The following LTBR variants were observed in gnomAD, a reference collection of about 807,000 sequenced individuals.
LTBR encodes lymphotoxin beta receptor.
LTBR carries 15 observed loss-of-function variants against 45.4 expected under a neutral mutation model. That is an observed-to-expected ratio of 0.33 (90% CI 0.22 to 0.51). LTBR has a LOEUF of 0.51. LTBR is among the 20% of genes least tolerant of loss of function. The pLI, the probability that LTBR is intolerant of heterozygous loss-of-function variation, is 0.97. For missense variants in LTBR, 450 were observed against 565.5 expected (o/e 0.80, Z 2.07); for synonymous variants, 228 against 231.0 (o/e 0.99, Z 0.12).
In LTBR at chr12:6,384,202, C is replaced by T. The variant is rs180813649; in HGVS notation, c.-157C>T. The T allele has an allele frequency of 5.1e-4, 678 of 1,316,700 alleles. No homozygotes were observed. The highest frequency in any genetic ancestry group is 6.3e-4 in the Non-Finnish European group (657 of 1,037,930). 81.6% of individuals were successfully genotyped at this position (1,316,700 alleles called of 1,614,324 possible). A position where few individuals can be genotyped will look rare whatever the true frequency, so the allele number is the denominator to read the frequency against. ...GCTCCGCCATGGGAGCCCTGGAGGC[C>T]CGGCCTGGCCGCTCCCGGCCCTGGG... On this transcript the variant is annotated 5_prime_UTR_variant, in exon 1 of 10. Coordinates refer to ENST00000228918, the MANE Select transcript of LTBR (RefSeq NM_002342.3).
In LTBR at chr12:6,388,097, A is replaced by G. The variant is rs1385912374; in HGVS notation, c.668-301A>G. On this transcript the variant is annotated intron_variant, in intron 6 of 9. Coordinates refer to ENST00000228918, the MANE Select transcript of LTBR (RefSeq NM_002342.3). The surrounding 1 kb of genome is among the most constrained non-coding windows in gnomAD (Gnocchi z 4.3). ...CCTAAGCTCCCATCCTGCACACACA[A>G]GCCTGCCCAATCCTGGTCTCTGAGC... 2.0e-5 allele frequency among the ~76,000 whole-genome samples: 3 copies of G among 152,104 alleles called. No individual in the cohort carries two copies.
chr12:6,386,388 C>T lies in LTBR; in HGVS notation c.611C>T (p.Ala204Val), dbSNP rs778122414. 1 of 1,613,970 alleles carries T rather than the reference C, an allele frequency of 6.2e-7. No individual in the cohort carries two copies. Residue 204 changes from alanine (A) to valine (V), a missense_variant, in exon 6 of 10, where the codon GCC (alanine) becomes GTC (valine). This residue lies in a region of LTBR where 367 missense variants were observed against 435.4 expected (regional missense o/e 0.84). Coordinates refer to ENST00000228918, the MANE Select transcript of LTBR (RefSeq NM_002342.3). The surrounding 1 kb of genome is among the most constrained non-coding windows in gnomAD (Gnocchi z 4.1). ...QGLVEAAPGT[A>V]QSDTTCKNPL... ...CTGGTGGAGGCAGCTCCAGGCACTG[C>T]CCAGTCCGACACAACCTGCAAAAAT...
rs746123931 is a variant in LTBR, at chr12:6,388,800, G to T, written c.776G>T (p.Gly259Val). 1 of 1,614,010 alleles carries T rather than the reference G, an allele frequency of 6.2e-7. No individual in the cohort carries two copies. Among genetic ancestry groups the T allele is most frequent in the African/African-American group, 1.3e-5 (1 of 74,920 alleles). The change falls in exon 8 of 10, where the codon GGA becomes GTA. Residue 259 changes from glycine (G) to valine (V), a missense_variant and splice_region_variant. Transcript: ENST00000228918. This position sits in a 1 kb window ranked among gnomAD's most constrained non-coding sequence, Gnocchi z 4.3. ...KSHPSLCRKL[G>V]SLLKRRPQGE... The stretch of plus-strand genomic sequence containing the variant: ...ACACCCATTTCATTCTCCATTGCAG[G>T]ATCGCTGCTCAAGAGGCGTCCGCAG...
chr12:6,385,709 A>G, intron 4 of LTBR: 1 of 383,210 alleles, frequency 2.6e-6, no homozygotes, highest in Non-Finnish European at 4.8e-6. Flanking sequence ...GATCGAGACC[A>G]TCCTGGCTAA....
At chr12:6,384,730 C>G (rs765727810) in intron 2 of LTBR, 46 bp downstream of exon 2, 1 of 1,565,570 alleles carries the variant, frequency 6.4e-7, no homozygotes, top group East Asian at 2.2e-5. Context: ...AAGTGGGTCA[C>G]GGGGGCTCCA....
chr12:6,385,272 C>T lies in LTBR; in HGVS notation c.365C>T (p.Thr122Ile), dbSNP rs952150883. 3.1e-6 allele frequency: 5 copies of T among 1,614,098 alleles called. No individual in the cohort carries two copies. The highest frequency in any genetic ancestry group is 4.2e-6 in the Non-Finnish European group (5 of 1,180,020). The change falls in exon 4 of 10, where the codon ACC becomes ATC. Residue 122 changes from threonine (T) to isoleucine (I), a missense_variant. By Grantham distance (89) the Thr-to-Ile change is moderately conservative (BLOSUM62 -1). Around this residue, in one of 3 missense-constraint regions of LTBR, gnomAD observed 367 missense variants for 435.4 expected, o/e 0.84. Coordinates refer to ENST00000228918, the MANE Select transcript of LTBR (RefSeq NM_002342.3). ...GCCCCCTGCACAAGCAAACGGAAGA[C>T]CCAGTGCCGCTGCCAGCCGGGAATG... is the stretch of plus-strand genomic sequence containing the variant. ...EIAPCTSKRK[T>I]QCRCQPGMFC...
Position 6,386,240 on chromosome 12 carries a change from A to C in LTBR, c.569+78A>C, listed in dbSNP as rs536036145. The C allele has an allele frequency of 2.2e-4, 323 of 1,489,074 alleles. 2 individuals are homozygous for C. The South Asian group carries it at 3.3e-3, about 15-fold the overall frequency. 92.2% of individuals were successfully genotyped at this position (1,489,074 alleles called of 1,614,324 possible). A position where few individuals can be genotyped will look rare whatever the true frequency, so the allele number is the denominator to read the frequency against. On this transcript the variant is annotated intron_variant, in intron 5 of 9. Transcript: ENST00000228918. The surrounding 1 kb of genome is among the most constrained non-coding windows in gnomAD (Gnocchi z 4.1). The stretch of plus-strand genomic sequence containing the variant: ...TAACAACCCCCAGCGCCTATCCTTG[A>C]CACCACGGACTCGACTCACCACTTT...
rs922004457 is a variant in LTBR at position 6,388,114 on chromosome 12, T to C, written c.668-284T>C. 15 of 427,136 alleles carry C rather than the reference T, an allele frequency of 3.5e-5. No individual in the cohort carries two copies. In the Admixed American group the frequency reaches 4.6e-4, roughly 13 times the overall value. The allele number at this position is 427,136 out of a possible 1,614,324, so 26.5% of individuals were successfully genotyped here. A position where few individuals can be genotyped will look rare whatever the true frequency, so the allele number is the denominator to read the frequency against. ...CACACACAAGCCTGCCCAATCCTGG[T>C]CTCTGAGCAGGAGGGCACCCACACC... On this transcript the variant is annotated intron_variant, in intron 6 of 9. Transcript: ENST00000228918. The surrounding 1 kb of genome is among the most constrained non-coding windows in gnomAD (Gnocchi z 4.3).
upstream of LTBR, among the ~76,000 whole-genome samples, chr12:6,379,669 G>A (rs1195788605): frequency 1.3e-5 from 2 of 152,162 alleles, no homozygotes; most frequent in African/African-American, 2.4e-5. Flanking sequence ...GGTGGCTCAC[G>A]CCTGTAATCC....
rs545884302 is a variant in LTBR at position 6,390,626 on chromosome 12, T to C, written c.1031-34T>C. 2.0e-6 allele frequency: 3 copies of C among 1,497,082 alleles called. No homozygotes were observed. The African/African-American group carries it at 4.2e-5, about 21-fold the overall frequency. 92.7% of individuals were successfully genotyped at this position (1,497,082 alleles called of 1,614,324 possible). A position where few individuals can be genotyped will look rare whatever the true frequency, so the allele number is the denominator to read the frequency against. On this transcript the variant is annotated intron_variant, in intron 9 of 9. Transcript: ENST00000228918. Reference sequence around the variant, plus strand: ...AAGCAGCGGGCCTGAACTGGGGGCCTTCCTTCCTCAACACTCTGCCTCCCT... The same window carrying C: ...AAGCAGCGGGCCTGAACTGGGGGCCCTCCTTCCTCAACACTCTGCCTCCCT...
Position 6,388,776 on chromosome 12 carries a change from C to T in LTBR, c.776-24C>T, listed in dbSNP as rs541193841. ...GGTCTGAGGCCTGCCGGGGAGCCTA[C>T]ACCCATTTCATTCTCCATTGCAGGA... On this transcript the variant is annotated intron_variant, in intron 7 of 9. Coordinates refer to ENST00000228918, the MANE Select transcript of LTBR (RefSeq NM_002342.3). This position sits in a 1 kb window ranked among gnomAD's most constrained non-coding sequence, Gnocchi z 4.3. 6.2e-7 allele frequency: 1 copy of T among 1,614,044 alleles called. No individual in the cohort carries two copies. The highest frequency in any genetic ancestry group is 1.1e-5 in the South Asian group (1 of 91,072).
intron 1 of LTBR, 23 bp downstream of exon 1, chr12:6,384,477 G>A (rs757229971): frequency 5.7e-6 from 9 of 1,571,380 alleles, no homozygotes; most frequent in Non-Finnish European, 7.8e-6. Context: ...CCTGGTAGGA[G>A]TGGGCGAGGG....
chr12:6,391,032 G>C lies in LTBR; in HGVS notation c.*95G>C. 7.6e-7 allele frequency: 1 copy of C among 1,318,556 alleles called. No homozygotes were observed. Among genetic ancestry groups the C allele is most frequent in the Non-Finnish European group, 1.0e-6 (1 of 990,470 alleles). The allele number at this position is 1,318,556 out of a possible 1,614,324, so 81.7% of individuals were successfully genotyped here. A position where few individuals can be genotyped will look rare whatever the true frequency, so the allele number is the denominator to read the frequency against. ...GTGGGATTCACAGGGGCCTGAGTAG[G>C]GCCCGGGGAAGCAGAGCCCTAAGGG... is the stretch of plus-strand genomic sequence containing the variant. On this transcript the variant is annotated 3_prime_UTR_variant, in exon 10 of 10. Coordinates refer to ENST00000228918, the MANE Select transcript of LTBR (RefSeq NM_002342.3).
Position 6,391,283 on chromosome 12 carries a change from G to T in LTBR, c.*346G>T, listed in dbSNP as rs3764870. The T allele has an allele frequency of 8.4e-4, 176 of 208,476 alleles. 3 individuals carry two copies. The East Asian group carries it at 0.018, about 21-fold the overall frequency. The allele number at this position is 208,476 out of a possible 1,614,324, so 12.9% of individuals were successfully genotyped here. A position where few individuals can be genotyped will look rare whatever the true frequency, so the allele number is the denominator to read the frequency against. On this transcript the variant is annotated 3_prime_UTR_variant, in exon 10 of 10. Transcript: ENST00000228918. ...CGAGGGAGCCGCCACACGGTCACCT[G>T]CAAGGACGTCACGGGCCCCTCTAAA...
At chr12:6,377,461 C>A in intron 1 of LTBR, 1 of 660,650 alleles carries the variant, frequency 1.5e-6, no homozygotes, top group Non-Finnish European at 2.6e-6. Flanking sequence ...CTGAGACAGA[C>A]TCATGGGGGA....
intron 1 of LTBR, among the ~76,000 whole-genome samples, chr12:6,376,809 A>G (rs1565490120): frequency 6.6e-6 from 1 of 152,186 alleles, no homozygotes; most frequent in African/African-American, 2.4e-5. Flanking sequence ...GAGTGCAGGA[A>G]TGTGGTCACT....
At position 6,388,978 on chromosome 12, in the gene LTBR, C is replaced by T. The variant is rs1592101671; in HGVS notation, c.801+153C>T. 2.2e-6 allele frequency: 2 copies of T among 913,466 alleles called. No individual in the cohort carries two copies. The highest frequency in any genetic ancestry group is 3.4e-6 in the Non-Finnish European group (2 of 581,624). The allele number at this position is 913,466 out of a possible 1,614,324, so 56.6% of individuals were successfully genotyped here. On this transcript the variant is annotated intron_variant, in intron 8 of 9. Transcript: ENST00000228918. This position sits in a 1 kb window ranked among gnomAD's most constrained non-coding sequence, Gnocchi z 4.3. ...AACATGCCACGTACCAGGCACTGTC[C>T]TAGGCACTGGGCGTACAGCAGTGAG...
upstream of LTBR, among the ~76,000 whole-genome samples, chr12:6,380,713 AAGAAG>A (rs1432134167): frequency 6.6e-6 from 1 of 151,400 alleles, no homozygotes; most frequent in Non-Finnish European, 1.5e-5. Context: ...AAAGAAGAAG[AAGAAG>A]AAGAAGAATC....
chr12:6,377,432 C>A, intron 1 of LTBR: 1 of 687,658 alleles, frequency 1.5e-6, no homozygotes, highest in Non-Finnish European at 2.5e-6. Context: ...ATCTACTTAG[C>A]GCTTTTGCCA....
Sources: allele counts gnomAD v4.1 joint callset (sites outside exome capture counted in the v4.1 genomes callset), GRCh38; gene constraint gnomAD v4.1.1; regional missense constraint gnomAD v4.1.1; non-coding constraint Gnocchi (gnomAD v3.1); transcripts MANE v1.5; gene names NCBI Gene and HGNC (gene_info 2026-07-23, HGNC 2026-07-21).